Variants in MME observed in about 807,000 individuals in gnomAD.
MME encodes membrane metalloendopeptidase.
MME carries 98 observed loss-of-function variants against 113.2 expected under a neutral mutation model. The ratio of observed to expected loss-of-function variants is 0.87; its 90% CI spans 0.74 to 1.02. The LOEUF (loss-of-function observed/expected upper bound fraction) is 1.02. Among genes scored for constraint, MME ranks in the 50% least tolerant of loss-of-function variants. MME has a pLI of 0.00. For synonymous variants in MME, 292 were observed against 300.6 expected, an observed-to-expected ratio of 0.97 and a Z score of 0.30; for missense variants, 836 against 896.0, an observed-to-expected ratio of 0.93 and a Z score of 0.86.
chr3:155,153,601 G>A lies in MME; in HGVS notation c.1601+4948G>A, dbSNP rs1015654269. On this transcript the variant is annotated intron_variant, in intron 16 of 22. Coordinates refer to ENST00000360490, the MANE Select transcript of MME (RefSeq NM_007289.4). ...TGAGTCTCTTGTTTTTAGACTTGAT[G>A]TTATTTTGTTAGTTTCTCAGGACAG... Among the ~76,000 whole-genome samples the A allele has an allele frequency of 2.0e-5, 3 of 152,144 alleles. No homozygotes were observed. In the South Asian group the frequency reaches 6.2e-4, roughly 31 times the overall value.
At chr3:155,037,504 C>T (rs1261429806) in intron 1 of MME, among the ~76,000 whole-genome samples, 3 of 152,088 alleles carry the variant, frequency 2.0e-5, no homozygotes, top group African/African-American at 7.2e-5. Flanking sequence ...CTGCTGAAGA[C>T]ATCATTGTAC....
At chr3:155,172,063 A>G (rs891965332) in intron 20 of MME, 54 bp from the exon 21 acceptor site, 6 of 1,036,996 alleles carry the variant, frequency 5.8e-6, no homozygotes, top group Non-Finnish European at 7.6e-6. Context: ...ACATAGGTTT[A>G]TATATAACCT....
At chr3:155,100,592 A>G (rs142686542) in intron 3 of MME, among the ~76,000 whole-genome samples, 1 of 152,360 alleles carries the variant, frequency 6.6e-6, no homozygotes, top group Admixed American at 6.5e-5. Context: ...TCAACTATGA[A>G]TTACTCAAAG....
At chr3:155,038,478 C>A (rs1713200933) in intron 1 of MME, among the ~76,000 whole-genome samples, 1 of 152,100 alleles carries the variant, frequency 6.6e-6, no homozygotes, top group Non-Finnish European at 1.5e-5. Flanking sequence ...GAAAGGTACA[C>A]CTCAAACTTT....
chr3:155,024,230 A>C (rs939348941), exon 1 of MME: 4 of 152,192 alleles, frequency 2.6e-5, no homozygotes, highest in African/African-American at 9.6e-5. Context: ...CTGGGGATAC[A>C]CAGTGATGGA....
intron 1 of MME, among the ~76,000 whole-genome samples, chr3:155,059,313 G>T (rs966357838): frequency 2.0e-5 from 3 of 149,848 alleles, no homozygotes; most frequent in Non-Finnish European, 4.4e-5. Context: ...ACTTTATAAG[G>T]TTAGCATATT....
At chr3:155,029,182 C>T (rs1712887527) in intron 1 of MME, among the ~76,000 whole-genome samples, 1 of 152,026 alleles carries the variant, frequency 6.6e-6, no homozygotes, top group Non-Finnish European at 1.5e-5. Context: ...TAATACTACA[C>T]AAAAAGGAGG....
chr3:155,114,797 G>A (rs1307527481), intron 3 of MME, among the ~76,000 whole-genome samples, 197 bp from the exon 4 acceptor site: 7 of 152,120 alleles, frequency 4.6e-5, no homozygotes, highest in Non-Finnish European at 1.0e-4. Context: ...AAAATAAAAC[G>A]AACCAACTAT....
chr3:155,044,516 T>A (rs1053225278), intron 1 of MME, among the ~76,000 whole-genome samples: 7 of 152,122 alleles, frequency 4.6e-5, no homozygotes, highest in Admixed American at 6.5e-5. Flanking sequence ...ATTGCTTTTT[T>A]AAATTTTTAT....
At chr3:155,179,137 G>A (rs1712833190) in intron 22 of MME, among the ~76,000 whole-genome samples, 1 of 152,168 alleles carries the variant, frequency 6.6e-6, no homozygotes, top group African/African-American at 2.4e-5. Flanking sequence ...TGTACTGACT[G>A]GTGAGTAACT....
upstream of MME, among the ~76,000 whole-genome samples, chr3:155,078,559 C>G (rs1315650283): frequency 6.6e-6 from 1 of 152,046 alleles, no homozygotes; most frequent in East Asian, 1.9e-4. Context: ...CAAGGGGACT[C>G]TTCTCAAGCA....
At chr3:155,180,007 A>G (rs61760452) in intron 22 of MME, among the ~76,000 whole-genome samples, 3 of 152,206 alleles carry the variant, frequency 2.0e-5, no homozygotes, top group Non-Finnish European at 4.4e-5. Context: ...TCAAATGTGA[A>G]TTATTCATGT....
chr3:155,032,939 T>C (rs1363025427), intron 1 of MME, among the ~76,000 whole-genome samples: 1 of 152,238 alleles, frequency 6.6e-6, no homozygotes, highest in African/African-American at 2.4e-5. Flanking sequence ...ATAGTTACAA[T>C]GATCTAATTA....
At chr3:155,134,220 T>C (rs1720433860) in intron 8 of MME, among the ~76,000 whole-genome samples, 1 of 152,046 alleles carries the variant, frequency 6.6e-6, no homozygotes, top group Non-Finnish European at 1.5e-5. Flanking sequence ...GTTTAGAATA[T>C]GAATGACCCC....
chr3:155,133,062 A>AAATATATATATATATATATATATATATAT (rs1553762419), intron 8 of MME, among the ~76,000 whole-genome samples: 8 of 75,052 alleles, frequency 1.1e-4, no homozygotes, highest in Non-Finnish European at 1.3e-4. Flanking sequence ...AAAAAAAAAA[A>AAATATATATATATATATATATATATATAT]ATATATATAT....
At chr3:155,098,370 G>A (rs1223252694) in intron 3 of MME, among the ~76,000 whole-genome samples, 3 of 151,898 alleles carry the variant, frequency 2.0e-5, no homozygotes, top group East Asian at 3.9e-4. Context: ...CCTGGCCAAC[G>A]TGGTGAAACC....
In MME at chr3:155,166,886, T is replaced by C. The variant is rs61760394; in HGVS notation, c.1661-16T>C. On this transcript the variant is annotated splice_polypyrimidine_tract_variant and intron_variant, in intron 17 of 22. Coordinates refer to ENST00000360490, the MANE Select transcript of MME (RefSeq NM_007289.4). ...TTATGCCACAAATAATCTCTAACTA[T>C]CTTCTCTCCTTGTAGTCTTCCCAGC... 22 of 1,613,328 alleles carry C rather than the reference T, an allele frequency of 1.4e-5. No individual in the cohort carries two copies. Among genetic ancestry groups the C allele is most frequent in the Non-Finnish European group, 1.7e-5 (20 of 1,179,616 alleles).
chr3:155,041,528 T>G (rs981925683), intron 1 of MME, among the ~76,000 whole-genome samples: 8 of 152,176 alleles, frequency 5.3e-5, no homozygotes, highest in African/African-American at 1.9e-4. Context: ...GAAAAGGATT[T>G]TTCCATAAGA....
chr3:155,027,266 C>T (rs980633827), intron 1 of MME, among the ~76,000 whole-genome samples: 1 of 152,094 alleles, frequency 6.6e-6, no homozygotes, highest in Admixed American at 6.5e-5. Context: ...TCCTGTCTCT[C>T]TCTTCTCTTG....
Sources: gnomAD v4.1 joint callset for allele counts (sites outside exome capture counted in the v4.1 genomes callset) on GRCh38, gnomAD v4.1.1 for gene constraint, MANE v1.5 for transcripts, NCBI Gene and HGNC (gene_info 2026-07-23, HGNC 2026-07-21) for gene names.